Variants in RBFOX1 observed in about 807,000 individuals in gnomAD.
RBFOX1 encodes the protein RNA binding fox-1 homolog 1.
RBFOX1 carries 8 observed loss-of-function variants against 57.7 expected under a neutral mutation model. That is an observed-to-expected ratio of 0.14 (90% CI 0.08 to 0.25). The LOEUF (loss-of-function observed/expected upper bound fraction) is 0.25, where lower values mean the gene tolerates loss of function less well. Ranked by LOEUF, RBFOX1 falls within the 10% of genes least tolerant of loss-of-function variation. The pLI is 1.00. For missense variants in RBFOX1, 611 were observed against 548.5 expected, an observed-to-expected ratio of 1.11 and a Z score of -1.14; for synonymous variants, 326 against 222.4, an observed-to-expected ratio of 1.47 and a Z score of -4.15.
At chr16:5,391,926 C>T (rs551407493) in intron 1 of RBFOX1, among the ~76,000 whole-genome samples, 1 of 151,500 alleles carries the variant, frequency 6.6e-6, no homozygotes, top group African/African-American at 2.4e-5. Flanking sequence ...CATATATATA[C>T]ACACACAATG....
At chr16:6,854,180 G>A (rs746058618) in intron 3 of RBFOX1, among the ~76,000 whole-genome samples, 17 of 152,060 alleles carry the variant, frequency 1.1e-4, no homozygotes, top group Admixed American at 3.9e-4. Flanking sequence ...TTTCAATAAC[G>A]GTTTCTGGGG....
chr16:6,501,698 A>G (rs968145616), intron 2 of RBFOX1, among the ~76,000 whole-genome samples: 1 of 152,038 alleles, frequency 6.6e-6, no homozygotes, highest in African/African-American at 2.4e-5. Context: ...CTCATTCTAA[A>G]ACATTCACCC....
At chr16:5,607,490 G>A (rs995465708) in intron 3 of RBFOX1, among the ~76,000 whole-genome samples, 3 of 152,170 alleles carry the variant, frequency 2.0e-5, no homozygotes, top group African/African-American at 7.2e-5. Context: ...GAGGATGGCT[G>A]TGCCCCCTGG....
chr16:6,654,656 T>C lies in RBFOX1; in HGVS notation c.-16+6T>C. 2 of 1,506,240 alleles carry C rather than the reference T, an allele frequency of 1.3e-6. No individual in the cohort carries two copies. Among genetic ancestry groups the C allele is most frequent in the Non-Finnish European group, 1.8e-6 (2 of 1,136,002 alleles). The allele number at this position is 1,506,240 out of a possible 1,614,324, so 93.3% of individuals were successfully genotyped here. A position where few individuals can be genotyped will look rare whatever the true frequency, so the allele number is the denominator to read the frequency against. ...TGGAAATAGAAGACAGAAAGGTGAG[T>C]CAATATTTTTCATTTTTAGGGTTGC... is the stretch of plus-strand genomic sequence containing the variant. On this transcript the variant is annotated splice_donor_region_variant and intron_variant, in intron 3 of 15. Coordinates refer to ENST00000550418, the MANE Select transcript of RBFOX1 (RefSeq NM_018723.4).
intron 3 of RBFOX1, among the ~76,000 whole-genome samples, chr16:5,740,835 C>A (rs1417886043): frequency 6.6e-6 from 1 of 152,072 alleles, no homozygotes; most frequent in Non-Finnish European, 1.5e-5. Flanking sequence ...GTGGCGTCTC[C>A]TTGTCTCTGA....
chr16:6,273,633 A>G (rs2075477093), intron 1 of RBFOX1, among the ~76,000 whole-genome samples: 1 of 152,098 alleles, frequency 6.6e-6, no homozygotes, highest in Non-Finnish European at 1.5e-5. Context: ...GGCGTGAGCC[A>G]CCATGCTTGG....
intron 2 of RBFOX1, among the ~76,000 whole-genome samples, chr16:5,595,685 C>A (rs2047157393): frequency 6.6e-6 from 1 of 152,186 alleles, no homozygotes; most frequent in Non-Finnish European, 1.5e-5. Context: ...TATCAGACAG[C>A]CACTACCTCC....
chr16:7,389,216 C>T (rs1187831511), intron 4 of RBFOX1, among the ~76,000 whole-genome samples: 1 of 152,108 alleles, frequency 6.6e-6, no homozygotes, highest in African/African-American at 2.4e-5. Context: ...GCTTTGATCT[C>T]TCCAGGCTTA....
At chr16:7,007,896 T>C (rs1353457801) in intron 3 of RBFOX1, among the ~76,000 whole-genome samples, 2 of 152,330 alleles carry the variant, frequency 1.3e-5, no homozygotes, top group Non-Finnish European at 2.9e-5. Context: ...ACCTTCATGC[T>C]GTCTCCTCAA....
At chr16:6,401,595 A>G (rs1317391481) in intron 2 of RBFOX1, among the ~76,000 whole-genome samples, 1 of 152,170 alleles carries the variant, frequency 6.6e-6, no homozygotes, top group Non-Finnish European at 1.5e-5. Context: ...TAACTAAAAT[A>G]TGATCATTTT....
chr16:7,508,268 G>T (rs1043451907), intron 4 of RBFOX1, among the ~76,000 whole-genome samples: 1 of 152,150 alleles, frequency 6.6e-6, no homozygotes, highest in African/African-American at 2.4e-5. Flanking sequence ...GTGAGCCACC[G>T]CGCCCGGCCA....
chr16:7,704,446 A>G (rs2081776788), intron 14 of RBFOX1, among the ~76,000 whole-genome samples: 1 of 152,134 alleles, frequency 6.6e-6, no homozygotes, highest in Non-Finnish European at 1.5e-5. Context: ...AGCATCCTGA[A>G]TGTGTCTGGG....
intron 1 of RBFOX1, among the ~76,000 whole-genome samples, chr16:5,462,404 G>A (rs948457690): frequency 6.6e-6 from 1 of 151,796 alleles, no homozygotes; most frequent in Non-Finnish European, 1.5e-5. Flanking sequence ...TCCTGACCTC[G>A]TGATCCACCC....
chr16:5,532,681 C>T (rs7191054), intron 2 of RBFOX1, among the ~76,000 whole-genome samples: 1 of 152,034 alleles, frequency 6.6e-6, no homozygotes, highest in Non-Finnish European at 1.5e-5. Context: ...CAATGCTGTG[C>T]TCTGAGCTTG....
intron 2 of RBFOX1, among the ~76,000 whole-genome samples, chr16:6,601,528 C>G (rs1037324816): frequency 1.3e-5 from 2 of 152,108 alleles, no homozygotes; most frequent in Non-Finnish European, 2.9e-5. Context: ...GACCATTCTA[C>G]TCATAGTTTT....
At position 6,716,416 on chromosome 16, in the gene RBFOX1, AT is replaced by A. The variant is rs559997041; in HGVS notation, c.-16+61775del. On this transcript the variant is annotated intron_variant, in intron 3 of 15. Coordinates refer to ENST00000550418, the MANE Select transcript of RBFOX1 (RefSeq NM_018723.4). Reference sequence around the variant, plus strand: ...GGAAGTGCCATTTCAAAGCGGTGGAATTTTTTTTTCTTCATTTGTTGTTTTA... The same window carrying A: ...GGAAGTGCCATTTCAAAGCGGTGGAATTTTTTTTCTTCATTTGTTGTTTTA... Among the ~76,000 whole-genome samples the A allele has an allele frequency of 1.6e-4, 24 of 151,640 alleles. No homozygotes were observed. The South Asian group carries it at 3.8e-3, about 24-fold the overall frequency.
chr16:6,877,398 C>T (rs940012578), intron 3 of RBFOX1, among the ~76,000 whole-genome samples: 2 of 152,116 alleles, frequency 1.3e-5, no homozygotes, highest in Non-Finnish European at 2.9e-5. Flanking sequence ...GCATCATTTT[C>T]CAATATGGAC....
intron 2 of RBFOX1, among the ~76,000 whole-genome samples, chr16:6,326,908 A>C (rs1428486819): frequency 6.6e-6 from 1 of 152,160 alleles, no homozygotes; most frequent in Non-Finnish European, 1.5e-5. Flanking sequence ...CATGTCTTGC[A>C]TGCAAAGCTG....
intron 3 of RBFOX1, among the ~76,000 whole-genome samples, chr16:5,860,117 C>T (rs1400292575): frequency 3.3e-5 from 5 of 152,130 alleles, no homozygotes; most frequent in East Asian, 1.9e-4. Context: ...GAGTCTCACT[C>T]TGTCGCCCAG....
Sources: gnomAD v4.1 joint callset for allele counts (sites outside exome capture counted in the v4.1 genomes callset) on GRCh38, gnomAD v4.1.1 for gene constraint, MANE v1.5 for transcripts, NCBI Gene and HGNC (gene_info 2026-07-23, HGNC 2026-07-21) for gene names.